The following MFF variants were observed in gnomAD, a reference collection of about 807,000 sequenced individuals.
MFF encodes the protein mitochondrial fission factor.
A neutral mutation model predicts 36.9 loss-of-function variants in MFF; 12 were observed. The ratio of observed to expected loss-of-function variants is 0.33; its 90% CI spans 0.21 to 0.53. MFF has a LOEUF of 0.53. MFF is among the 20% of genes least tolerant of loss of function. The pLI is 0.95. For synonymous variants in MFF, 99 were observed against 126.2 expected (o/e 0.78, Z 1.44); for missense variants, 348 against 366.6 (o/e 0.95, Z 0.42).
intron 5 of MFF, among the ~76,000 whole-genome samples, chr2:227,343,969 G>C (rs2075565775): frequency 6.6e-6 from 1 of 152,102 alleles, no homozygotes; most frequent in Non-Finnish European, 1.5e-5. Flanking sequence ...TGTATTTTTA[G>C]TAGAGACAGG....
intron 1 of MFF, among the ~76,000 whole-genome samples, chr2:227,327,258 A>G (rs1386792308): frequency 6.6e-6 from 1 of 152,092 alleles, no homozygotes. Flanking sequence ...ATATGAAATC[A>G]TCTGTGATTC....
At chr2:227,333,613 G>T (rs762218226) in intron 4 of MFF, among the ~76,000 whole-genome samples, 1 of 152,198 alleles carries the variant, frequency 6.6e-6, no homozygotes, top group African/African-American at 2.4e-5. Flanking sequence ...TGATATGAGT[G>T]AGGGAAAGAC....
intron 5 of MFF, among the ~76,000 whole-genome samples, chr2:227,345,456 G>A (rs1374479669): frequency 2.0e-5 from 3 of 152,366 alleles, no homozygotes; most frequent in African/African-American, 7.2e-5. Flanking sequence ...CAAAGGCAAA[G>A]TACGGATTTG....
chr2:227,352,410 TATA>T, intron 6 of MFF, 101 bp from the exon 7 acceptor site: 1 of 844,242 alleles, frequency 1.2e-6, no homozygotes. Context: ...AAATATACAA[TATA>T]ATCCTATTTG....
intron 4 of MFF, among the ~76,000 whole-genome samples, chr2:227,336,764 A>G (rs1447589509): frequency 6.6e-6 from 1 of 152,226 alleles, no homozygotes; most frequent in Non-Finnish European, 1.5e-5. Context: ...AAAAGCCATG[A>G]ATGTCTAGCA....
At chr2:227,353,553 G>A (rs1208474062) in intron 7 of MFF, among the ~76,000 whole-genome samples, 4 of 152,006 alleles carry the variant, frequency 2.6e-5, no homozygotes, top group African/African-American at 4.8e-5. Flanking sequence ...GTTCATTGTC[G>A]TTTTCCCTTA....
chr2:227,353,210 A>C (rs1375047520), intron 7 of MFF, among the ~76,000 whole-genome samples: 1 of 152,232 alleles, frequency 6.6e-6, no homozygotes, highest in Non-Finnish European at 1.5e-5. Flanking sequence ...AGAATGGCAC[A>C]TACAAATACA....
chr2:227,338,995 G>C (rs1225336940), intron 4 of MFF, among the ~76,000 whole-genome samples: 1 of 151,914 alleles, frequency 6.6e-6, no homozygotes, highest in Admixed American at 6.6e-5. Flanking sequence ...TTGAGCTCAG[G>C]AGTTCGAGAC....
intron 5 of MFF, among the ~76,000 whole-genome samples, chr2:227,342,002 A>T (rs1228137037): frequency 6.6e-6 from 1 of 152,146 alleles, no homozygotes; most frequent in Non-Finnish European, 1.5e-5. Flanking sequence ...AGAGTAGATG[A>T]TATAGATGTT....
At chr2:227,346,238 C>G (rs530036033) in intron 5 of MFF, 1 of 167,182 alleles carries the variant, frequency 6.0e-6, no homozygotes, top group Admixed American at 6.5e-5. Flanking sequence ...ATGTAATACA[C>G]ATTGGATGAC....
In MFF at chr2:227,357,357, G is replaced by A; in HGVS notation, c.*240G>A. 3.0e-6 allele frequency: 1 copy of A among 337,550 alleles called. No individual in the cohort carries two copies. The highest frequency in any genetic ancestry group is 5.0e-5 in the East Asian group (1 of 19,980). The allele number at this position is 337,550 out of a possible 1,614,324, so 20.9% of individuals were successfully genotyped here. ...AACACCTGCTTAAAATTCTCCCTTT[G>A]CATGTTTTGTAAATAGGCTCCAGTT... is the stretch of plus-strand genomic sequence containing the variant. On this transcript the variant is annotated 3_prime_UTR_variant, in exon 9 of 9. Coordinates refer to ENST00000304593, the MANE Select transcript of MFF (RefSeq NM_001277062.2).
At chr2:227,343,050 T>C (rs2075493653) in intron 5 of MFF, among the ~76,000 whole-genome samples, 1 of 152,056 alleles carries the variant, frequency 6.6e-6, no homozygotes, top group African/African-American at 2.4e-5. Context: ...CATGTGTTGG[T>C]GAAAGGAACC....
intron 4 of MFF, among the ~76,000 whole-genome samples, chr2:227,333,482 G>T (rs527604303): frequency 6.6e-6 from 1 of 152,284 alleles, no homozygotes; most frequent in East Asian, 1.9e-4. Context: ...TTGCAGAATT[G>T]TATTATTTAA....
At chr2:227,330,283 A>G (rs1442565334) in intron 2 of MFF, 1 of 198,446 alleles carries the variant, frequency 5.0e-6, no homozygotes, top group African/African-American at 2.3e-5. Flanking sequence ...TTTTAAGTTT[A>G]AATTTTATTG....
At chr2:227,339,522 G>T (rs2075268021) in intron 4 of MFF, among the ~76,000 whole-genome samples, 1 of 152,198 alleles carries the variant, frequency 6.6e-6, no homozygotes. Flanking sequence ...CCTCCATTAG[G>T]GTTGTTGGCA....
At position 227,340,340 on chromosome 2, in the gene MFF, G is replaced by A. The variant is rs756181523; in HGVS notation, c.400G>A (p.Ala134Thr). The A allele has an allele frequency of 9.9e-6, 16 of 1,614,038 alleles. No individual in the cohort carries two copies. Among genetic ancestry groups the A allele is most frequent in the Non-Finnish European group, 1.4e-5 (16 of 1,179,932 alleles). Residue 134 changes from alanine (A) to threonine (T), a missense_variant, in exon 5 of 9, where the codon GCT (alanine) becomes ACT (threonine). By Grantham distance (58) the Ala-to-Thr change is moderately conservative. Transcript: ENST00000304593. ...LKRERSMSENAVRQNGQLVRN... is the reference protein window; with the variant it reads ...LKRERSMSENTVRQNGQLVRN... ...AAGAGAGCGGTCTATGAGTGAAAAT[G>A]CTGTTCGCCAAAATGGACAGCTGGT...
intron 3 of MFF, among the ~76,000 whole-genome samples, chr2:227,331,959 A>ATTTTTTTTTTTT (rs10549336): frequency 4.0e-4 from 31 of 76,812 alleles, no homozygotes; most frequent in African/African-American, 1.2e-3. Context: ...CGCTGGAAGC[A>ATTTTTTTTTTTT]TTTTTTTTTT....
chr2:227,352,733 T>TAATC (rs1253766634), intron 7 of MFF, among the ~76,000 whole-genome samples, 160 bp downstream of exon 7: 1 of 152,206 alleles, frequency 6.6e-6, no homozygotes, highest in African/African-American at 2.4e-5. Context: ...GAACAGTGAA[T>TAATC]AATCAGTCAT....
At chr2:227,334,472 T>A (rs2074835110) in intron 4 of MFF, among the ~76,000 whole-genome samples, 1 of 152,108 alleles carries the variant, frequency 6.6e-6, no homozygotes. Flanking sequence ...CTTCTAGAAA[T>A]TGACTGAAAT....
Sources: gnomAD v4.1 joint callset for allele counts (sites outside exome capture counted in the v4.1 genomes callset) on GRCh38, gnomAD v4.1.1 for gene constraint, MANE v1.5 for transcripts, NCBI Gene and HGNC (gene_info 2026-07-23, HGNC 2026-07-21) for gene names.